NBEA: variants seen among roughly 807,000 people sequenced by gnomAD.
NBEA encodes lysosomal-trafficking regulator 2.
Under a neutral mutation model 343.4 loss-of-function variants are expected in NBEA, and 44 were observed. The observed-to-expected ratio is 0.13, with a 90% CI of 0.10 to 0.16. The LOEUF (loss-of-function observed/expected upper bound fraction) is 0.16. Among genes scored for constraint, NBEA ranks in the 10% least tolerant of loss-of-function variants. The pLI, the probability that NBEA is intolerant of heterozygous loss-of-function variation, is 1.00. For synonymous variants in NBEA, 1,175 were observed against 1,238.7 expected, an observed-to-expected ratio of 0.95 and a Z score of 1.08; for missense variants, 2,555 against 3,631.3, an observed-to-expected ratio of 0.70 and a Z score of 7.62.
At chr13:35,040,009 G>A (rs2062591371) in intron 1 of NBEA, among the ~76,000 whole-genome samples, 1 of 152,110 alleles carries the variant, frequency 6.6e-6, no homozygotes, top group Non-Finnish European at 1.5e-5. Flanking sequence ...TCTAGTTCCA[G>A]AACAGTAACT....
At chr13:34,959,221 T>C (rs534457658) in intron 1 of NBEA, among the ~76,000 whole-genome samples, 1 of 152,320 alleles carries the variant, frequency 6.6e-6, no homozygotes, top group South Asian at 2.1e-4. Context: ...ATTGTAAGTT[T>C]CTTTAGAGTA....
At chr13:35,031,501 CT>C (rs139771156) in intron 1 of NBEA, among the ~76,000 whole-genome samples, 1 of 150,222 alleles carries the variant, frequency 6.7e-6, no homozygotes, top group African/African-American at 2.4e-5. Flanking sequence ...TACTTTTTTT[CT>C]TTTTTTTTAA....
intron 41 of NBEA, among the ~76,000 whole-genome samples, chr13:35,513,140 CT>C (rs761107026): frequency 2.0e-3 from 267 of 136,316 alleles, no homozygotes; most frequent in Middle Eastern, 3.8e-3. Flanking sequence ...TTACTTTTTT[CT>C]TTTTTTTTTT....
chr13:35,197,784 G>A (rs994009993), intron 31 of NBEA, among the ~76,000 whole-genome samples: 23 of 152,220 alleles, frequency 1.5e-4, no homozygotes, highest in Middle Eastern at 6.8e-3. Context: ...ACAGGCGTGC[G>A]CCACCGCACC....
chr13:35,532,428 A>G (rs1471751718), intron 41 of NBEA, among the ~76,000 whole-genome samples: 1 of 152,160 alleles, frequency 6.6e-6, no homozygotes, highest in Non-Finnish European at 1.5e-5. Flanking sequence ...CCTTTTAAAT[A>G]TTTTGAAATA....
At chr13:34,951,418 A>C (rs989100819) in intron 1 of NBEA, among the ~76,000 whole-genome samples, 1 of 152,208 alleles carries the variant, frequency 6.6e-6, no homozygotes, top group Non-Finnish European at 1.5e-5. Flanking sequence ...AACTTTAGTT[A>C]GTACTTACTA....
chr13:35,450,562 T>C (rs1319554744), intron 39 of NBEA, among the ~76,000 whole-genome samples: 1 of 152,156 alleles, frequency 6.6e-6, no homozygotes, highest in Admixed American at 6.6e-5. Context: ...GGTCTGGGCC[T>C]GGGTGAATTG....
chr13:35,545,730 G>A (rs1306855345), intron 41 of NBEA, among the ~76,000 whole-genome samples: 1 of 152,204 alleles, frequency 6.6e-6, no homozygotes, highest in Non-Finnish European at 1.5e-5. Flanking sequence ...CTCCTCTGGA[G>A]TCAAGGAATC....
Position 35,478,940 on chromosome 13 carries a change from G to T in NBEA, c.6585+6404G>T, listed in dbSNP as rs534352024. Among the ~76,000 whole-genome samples, 742 of 152,364 alleles carry T rather than the reference G, an allele frequency of 4.9e-3. 3 individuals are homozygous for T. The highest frequency in any genetic ancestry group is 8.0e-3 in the Non-Finnish European group (544 of 68,028). On this transcript the variant is annotated intron_variant, in intron 41 of 58. Transcript: ENST00000379939. The stretch of plus-strand genomic sequence containing the variant: ...GGACGCGGGCCTGCGAGGGATGCCG[G>T]TCGGGCCTGGCTGGAGCCAGGCGCG...
At chr13:35,043,217 C>T (rs2062718136) in intron 2 of NBEA, among the ~76,000 whole-genome samples, 1 of 151,668 alleles carries the variant, frequency 6.6e-6, no homozygotes, top group South Asian at 2.1e-4. Context: ...TTAAACTGAG[C>T]TGCTTGGTTG....
intron 1 of NBEA, among the ~76,000 whole-genome samples, chr13:35,018,877 G>GT (rs986730262): frequency 1.3e-5 from 2 of 152,076 alleles, no homozygotes; most frequent in Admixed American, 6.5e-5. Context: ...TTAGCTATAG[G>GT]TTTTTTATAG....
At chr13:35,453,922 A>G (rs2046429438) in intron 40 of NBEA, among the ~76,000 whole-genome samples, 2 of 152,340 alleles carry the variant, frequency 1.3e-5, no homozygotes, top group South Asian at 4.1e-4. Context: ...TATGCTTGAA[A>G]TAAACTTTTT....
At chr13:35,354,603 G>A (rs1223650553) in intron 38 of NBEA, among the ~76,000 whole-genome samples, 1 of 149,540 alleles carries the variant, frequency 6.7e-6, no homozygotes, top group African/African-American at 2.5e-5. Flanking sequence ...CCAACTATCT[G>A]AAAAAAAAAC....
chr13:35,309,850 A>G (rs1172063178), intron 36 of NBEA, among the ~76,000 whole-genome samples: 2 of 152,140 alleles, frequency 1.3e-5, no homozygotes, highest in Non-Finnish European at 2.9e-5. Context: ...ACTGAGTAGT[A>G]AAGTTGTTTT....
chr13:35,508,514 A>G (rs984575572), intron 41 of NBEA, among the ~76,000 whole-genome samples: 8 of 152,178 alleles, frequency 5.3e-5, no homozygotes, highest in Admixed American at 2.0e-4. Flanking sequence ...CAGTGAAAAA[A>G]ACAGAAATTG....
intron 39 of NBEA, among the ~76,000 whole-genome samples, chr13:35,444,786 A>C (rs1277089307): frequency 2.0e-5 from 3 of 152,100 alleles, no homozygotes; most frequent in Non-Finnish European, 4.4e-5. Context: ...TATTTATATA[A>C]TTAAATATCT....
chr13:35,091,117 A>G (rs1017427434), intron 10 of NBEA, among the ~76,000 whole-genome samples: 11 of 151,980 alleles, frequency 7.2e-5, no homozygotes, highest in African/African-American at 2.2e-4. Flanking sequence ...GGAAGGCTAT[A>G]GAAGCCAAAA....
chr13:35,207,884 C>G (rs1191733002), intron 31 of NBEA, among the ~76,000 whole-genome samples: 3 of 151,950 alleles, frequency 2.0e-5, no homozygotes, highest in Non-Finnish European at 4.4e-5. Flanking sequence ...ATTTATTATT[C>G]CTTGGTTTAA....
intron 44 of NBEA, among the ~76,000 whole-genome samples, chr13:35,560,850 C>CA (rs2079826523): frequency 6.6e-6 from 1 of 152,166 alleles, no homozygotes; most frequent in African/African-American, 2.4e-5. Context: ...TGAACACCAC[C>CA]AGCCATCATT....
Sources: gnomAD v4.1 joint callset for allele counts (sites outside exome capture counted in the v4.1 genomes callset) on GRCh38, gnomAD v4.1.1 for gene constraint, MANE v1.5 for transcripts, NCBI Gene and HGNC (gene_info 2026-07-23, HGNC 2026-07-21) for gene names.